The following ALDH8A1 variants were observed in gnomAD, a reference collection of about 807,000 sequenced individuals.
ALDH8A1 encodes the protein 2-aminomuconic semialdehyde dehydrogenase.
In ALDH8A1, 39 loss-of-function variants were observed where a neutral mutation model predicts 43.3. The ratio of observed to expected loss-of-function variants is 0.90; its 90% confidence interval spans 0.70 to 1.18. The LOEUF is 1.18. ALDH8A1 is among the 50% of genes most tolerant of loss of function. The probability of loss-of-function intolerance (pLI) is 0.00; values close to 1 mark genes in which losing one functional copy is unlikely to be tolerated. For synonymous variants in ALDH8A1, 233 were observed against 243.5 expected (o/e 0.96, Z 0.40); for missense variants, 605 against 622.6 (o/e 0.97, Z 0.30).
In ALDH8A1 at chr6:134,942,426, C is replaced by A. The variant is rs755263036; in HGVS notation, c.425G>T (p.Arg142Leu). 1.2e-6 allele frequency: 2 copies of A among 1,613,262 alleles called. No individual in the cohort carries two copies. Among genetic ancestry groups the A allele is most frequent in the Non-Finnish European group, 8.5e-7 (1 of 1,179,452 alleles). ...GCACTCACCGACTCCCACCGGGGCC[C>A]GCACCGTGTAGTGCATGCAGCCCAG... ...DHLGCMHYTV[R>L]APVGVAGLIS... is the part of the protein sequence containing the mutation. The change falls in exon 3 of 7, where the codon CGG becomes CTG. Residue 142 changes from arginine to leucine, a missense_variant. Coordinates refer to ENST00000265605, the MANE Select transcript of ALDH8A1 (RefSeq NM_022568.4).
In ALDH8A1 at chr6:134,932,773, T is replaced by C. The variant is rs1356634372; in HGVS notation, c.849+3A>G. 2 of 1,613,900 alleles carry C rather than the reference T, an allele frequency of 1.2e-6. No individual in the cohort carries two copies. Among genetic ancestry groups the C allele is most frequent in the Non-Finnish European group, 1.7e-6 (2 of 1,179,868 alleles). On this transcript the variant is annotated splice_donor_region_variant and intron_variant, in intron 5 of 6. Transcript: ENST00000265605. ...GGAGGGAGAAGAACCCCCGGGGACA[T>C]ACCTGGTTGGCAAAGCTGGACCTGA...
At chr6:134,933,957 C>G (rs1479631457) in intron 4 of ALDH8A1, among the ~76,000 whole-genome samples, 1 of 152,146 alleles carries the variant, frequency 6.6e-6, no homozygotes, top group Non-Finnish European at 1.5e-5. Context: ...GATCTGCCCA[C>G]CTCGGCCTGC....
chr6:134,919,869 A>T (rs1776767456), intron 6 of ALDH8A1, among the ~76,000 whole-genome samples: 2 of 152,218 alleles, frequency 1.3e-5, no homozygotes, highest in African/African-American at 2.4e-5. Context: ...TTATTCTATT[A>T]TTAAATTTGC....
At chr6:134,930,065 G>A (rs1403595274) in intron 5 of ALDH8A1, among the ~76,000 whole-genome samples, 4 of 152,204 alleles carry the variant, frequency 2.6e-5, no homozygotes, top group Non-Finnish European at 5.9e-5. Context: ...CGGGACCTCC[G>A]AAGTGTGATG....
At position 134,918,114 on chromosome 6, in the gene ALDH8A1, C is replaced by A; in HGVS notation, c.*301G>T. The A allele has an allele frequency of 2.7e-6, 1 of 365,676 alleles. No individual in the cohort carries two copies. Among genetic ancestry groups the A allele is most frequent in the Non-Finnish European group, 4.9e-6 (1 of 202,710 alleles). 22.7% of individuals were successfully genotyped at this position (365,676 alleles called of 1,614,324 possible). On this transcript the variant is annotated 3_prime_UTR_variant, in exon 7 of 7. Transcript: ENST00000265605. ...AAATAATCTGATTATCTGGAGATTC[C>A]CAAGAGTTCAATGAAGATGATGAAA... is the stretch of plus-strand genomic sequence containing the variant.
At chr6:134,924,554 T>G (rs1776855299) in intron 6 of ALDH8A1, among the ~76,000 whole-genome samples, 1 of 152,226 alleles carries the variant, frequency 6.6e-6, no homozygotes, top group Non-Finnish European at 1.5e-5. Flanking sequence ...TCTCTGGCTA[T>G]GCCCAGAATC....
intron 5 of ALDH8A1, among the ~76,000 whole-genome samples, chr6:134,930,358 A>G (rs916473956): frequency 2.0e-5 from 3 of 152,234 alleles, no homozygotes; most frequent in Non-Finnish European, 4.4e-5. Context: ...GGGTTATAAC[A>G]GATTTCTCAG....
At chr6:134,933,213 AC>A (rs1773655160) in intron 4 of ALDH8A1, among the ~76,000 whole-genome samples, 181 bp from the exon 5 acceptor site, 1 of 152,156 alleles carries the variant, frequency 6.6e-6, no homozygotes. Flanking sequence ...CAAAGCAAAA[AC>A]CACAGATTCA....
chr6:134,942,161 A>G (rs747134437), intron 3 of ALDH8A1: 5 of 270,446 alleles, frequency 1.8e-5, no homozygotes, highest in African/African-American at 4.4e-5. Context: ...CAGAGGTTGC[A>G]GTGAGCCGAG....
chr6:134,946,779 TGC>T (rs1382761539), intron 1 of ALDH8A1, among the ~76,000 whole-genome samples: 4 of 149,378 alleles, frequency 2.7e-5, no homozygotes, highest in African/African-American at 7.7e-5. Context: ...TGCGCATGTG[TGC>T]GCGCGCGCAC....
intron 6 of ALDH8A1, among the ~76,000 whole-genome samples, chr6:134,924,362 G>A (rs1776852412): frequency 1.3e-5 from 2 of 152,138 alleles, no homozygotes; most frequent in Non-Finnish European, 2.9e-5. Context: ...CCACAACCTT[G>A]CCCAAAAACT....
At chr6:134,927,737 C>T (rs1399170454) in intron 6 of ALDH8A1, among the ~76,000 whole-genome samples, 1 of 152,172 alleles carries the variant, frequency 6.6e-6, no homozygotes, top group African/African-American at 2.4e-5. Context: ...GAAGTACTGC[C>T]TGAGCCTGCT....
intron 4 of ALDH8A1, among the ~76,000 whole-genome samples, chr6:134,936,701 C>G (rs557822870): frequency 6.6e-6 from 1 of 152,202 alleles, no homozygotes; most frequent in East Asian, 1.9e-4. Context: ...GCTTTCCCCA[C>G]GACAGTATTA....
intron 1 of ALDH8A1, among the ~76,000 whole-genome samples, chr6:134,947,857 A>AAC (rs34930476): frequency 0.017 from 2,526 of 150,522 alleles, 83 homozygotes; most frequent in African/African-American, 0.055. Context: ...AAAAAAAAAA[A>AAC]TAAAAATAGA....
intron 6 of ALDH8A1, among the ~76,000 whole-genome samples, chr6:134,922,796 A>G (rs1776825826): frequency 2.0e-5 from 3 of 152,198 alleles, no homozygotes; most frequent in Admixed American, 2.0e-4. Context: ...CTTAGTTTTA[A>G]TAAGAATAGT....
intron 5 of ALDH8A1, among the ~76,000 whole-genome samples, chr6:134,930,748 G>C (rs1356503190): frequency 1.3e-5 from 2 of 152,212 alleles, no homozygotes; most frequent in Non-Finnish European, 2.9e-5. Context: ...GGCTAGAGGG[G>C]TTTACCCAGT....
intron 6 of ALDH8A1, 41 bp downstream of exon 6, chr6:134,929,013 A>T (rs761430844): frequency 2.6e-5 from 41 of 1,603,236 alleles, no homozygotes; most frequent in Non-Finnish European, 5.1e-6. Flanking sequence ...CTCTTCAAAT[A>T]AGAACTTATT....
At chr6:134,942,588 G>A in intron 2 of ALDH8A1, 24 bp from the exon 3 acceptor site, 1 of 1,602,922 alleles carries the variant, frequency 6.2e-7, no homozygotes, top group Non-Finnish European at 8.5e-7. Context: ...ACAACATAAA[G>A]CACTATCAGC....
intron 1 of ALDH8A1, among the ~76,000 whole-genome samples, chr6:134,945,721 G>A (rs1773938414): frequency 6.6e-6 from 1 of 152,020 alleles, no homozygotes; most frequent in African/African-American, 2.4e-5. Flanking sequence ...CATCTTTTTT[G>A]GGGCGCTTGA....
Sources: gnomAD v4.1 joint callset for allele counts (sites outside exome capture counted in the v4.1 genomes callset) on GRCh38, gnomAD v4.1.1 for gene constraint, MANE v1.5 for transcripts, NCBI Gene and HGNC (gene_info 2026-07-23, HGNC 2026-07-21) for gene names.